Variants in MAST3 observed in about 807,000 individuals in gnomAD.
MAST3 encodes microtubule-associated serine/threonine-protein kinase 3.
Under a neutral mutation model 127.0 loss-of-function variants are expected in MAST3, and 43 were observed. That is an observed-to-expected ratio of 0.34 (90% CI 0.27 to 0.44). The LOEUF (loss-of-function observed/expected upper bound fraction) is 0.44, where lower values mean the gene tolerates loss of function less well. Among genes scored for constraint, MAST3 ranks in the 20% least tolerant of loss-of-function variants. The pLI, the probability that MAST3 is intolerant of heterozygous loss-of-function variation, is 1.00. For synonymous variants in MAST3, 785 were observed against 809.2 expected (o/e 0.97, Z 0.51); for missense variants, 1,390 against 1,919.1 (o/e 0.72, Z 5.15).
At chr19:18,135,070 G>A in intron 17 of MAST3, 88 bp downstream of exon 17, 12 of 1,465,082 alleles carry the variant, frequency 8.2e-6, no homozygotes, top group Non-Finnish European at 1.1e-5. Flanking sequence ...AGGGAGAGAA[G>A]CAGGAAGAGG....
intron 3 of MAST3, among the ~76,000 whole-genome samples, chr19:18,113,423 A>G (rs2038874604): frequency 6.6e-6 from 1 of 151,920 alleles, no homozygotes; most frequent in African/African-American, 2.4e-5. Context: ...AGCTGGGATT[A>G]CAGGCATGCA....
Position 18,149,931 on chromosome 19 carries a change from G to A in MAST3, c.*205G>A. On this transcript the variant is annotated 3_prime_UTR_variant, in exon 28 of 28. Coordinates refer to ENST00000687212, the MANE Select transcript of MAST3 (RefSeq NM_001393504.1). The surrounding 1 kb of genome is among the most constrained non-coding windows in gnomAD (Gnocchi z 5.9). ...GGATGGGGCAAGAATGGGGGACAAGGGTGGCTTTGTAAATAGCAGCAAATC... is the reference window on the plus strand; with the variant it reads ...GGATGGGGCAAGAATGGGGGACAAGAGTGGCTTTGTAAATAGCAGCAAATC... 1.7e-6 allele frequency: 1 copy of A among 579,110 alleles called. No individual in the cohort carries two copies. 35.9% of individuals were successfully genotyped at this position (579,110 alleles called of 1,614,324 possible).
chr19:18,106,592 A>C (rs2038084340), intron 1 of MAST3, among the ~76,000 whole-genome samples: 1 of 143,960 alleles, frequency 6.9e-6, no homozygotes, highest in African/African-American at 2.5e-5. Flanking sequence ...TATTTTTGAG[A>C]TGGAGTTTCG....
At chr19:18,122,403 A>G (rs1204779710) in intron 5 of MAST3, among the ~76,000 whole-genome samples, 6 of 151,486 alleles carry the variant, frequency 4.0e-5, no homozygotes, top group Admixed American at 3.3e-4. Flanking sequence ...GGGGGTGGTC[A>G]ATGTGTGCCC....
At chr19:18,128,481 C>A in intron 12 of MAST3, 23 bp downstream of exon 12, 1 of 1,550,316 alleles carries the variant, frequency 6.5e-7, no homozygotes, top group Non-Finnish European at 8.7e-7. Flanking sequence ...GGCTGGGGGA[C>A]CCCCGCTCAT....
chr19:18,104,647 C>A (rs1195215357), intron 1 of MAST3, among the ~76,000 whole-genome samples: 1 of 152,096 alleles, frequency 6.6e-6, no homozygotes, highest in African/African-American at 2.4e-5. Context: ...AACGTGGCCG[C>A]CCTGATGTGT....
At chr19:18,125,777 T>A (rs1377757866) in intron 11 of MAST3, among the ~76,000 whole-genome samples, 1 of 149,850 alleles carries the variant, frequency 6.7e-6, no homozygotes. Flanking sequence ...GCCAGCCAGG[T>A]GCAGTGGCTC....
At chr19:18,118,071 C>T (rs1034134066) in intron 3 of MAST3, 1 of 984,694 alleles carries the variant, frequency 1.0e-6, no homozygotes, top group South Asian at 4.7e-5. Flanking sequence ...GCGCCCCCCT[C>T]CCTGTCCGGC....
At chr19:18,129,785 C>T (rs908495464) in intron 13 of MAST3, among the ~76,000 whole-genome samples, 24 of 151,382 alleles carry the variant, frequency 1.6e-4, no homozygotes, top group African/African-American at 5.6e-4. Context: ...ATTAACTGGG[C>T]GTAATGGCAC....
rs868161497 is a variant in MAST3 at position 18,130,526 on chromosome 19, G to A, written c.1256G>A (p.Arg419Gln). The A allele has an allele frequency of 6.8e-6, 11 of 1,609,054 alleles. No individual in the cohort carries two copies. Among genetic ancestry groups the A allele is most frequent in the Middle Eastern group, 1.6e-4 (1 of 6,080 alleles). The change falls in exon 14 of 28, where the codon CGG (arginine) becomes CAG (glutamine). Residue 419 changes from arginine to glutamine, a missense_variant. Physicochemically the swap from Arg to Gln is conservative, Grantham distance 43 (BLOSUM62 1). Transcript: ENST00000687212. The stretch of plus-strand genomic sequence containing the variant: ...TACCTGGTGCGGCACCGTGACACAC[G>A]GCAGCGCTTTGCCATCAAGAAGATC... ...AVYLVRHRDT[R>Q]QRFAIKKINK... is the part of the protein sequence containing the mutation.
intron 1 of MAST3, 88 bp downstream of exon 1, chr19:18,097,919 C>G: frequency 9.4e-7 from 1 of 1,065,022 alleles, no homozygotes; most frequent in Non-Finnish European, 1.2e-6. Context: ...GGGGCCTTCA[C>G]GGGCTGTAGG....
intron 17 of MAST3, 117 bp downstream of exon 17, chr19:18,135,099 G>A: frequency 1.6e-6 from 2 of 1,270,006 alleles, no homozygotes; most frequent in South Asian, 1.4e-5. Context: ...TTGGATGCCA[G>A]GTGGGGAGGC....
intron 1 of MAST3, among the ~76,000 whole-genome samples, chr19:18,105,131 C>A (rs537477254): frequency 1.4e-4 from 21 of 152,140 alleles, no homozygotes; most frequent in Non-Finnish European, 2.5e-4. Flanking sequence ...CTTTGGGAGG[C>A]TAAGGTGGAT....
In MAST3 at chr19:18,124,345, A is replaced by C; in HGVS notation, c.924A>C (p.Pro308=). 1 of 1,606,604 alleles carries C rather than the reference A, an allele frequency of 6.2e-7. No individual in the cohort carries two copies. ...AACTGCTGATCATCATCTCACGGCC[A>C]GCTCGGCTGCTGGAGTGTCTGGTAA... is the stretch of plus-strand genomic sequence containing the variant. ...VRKLLIIISR[P]ARLLECLEFD... Residue 308 remains proline (P), a synonymous_variant, in exon 10 of 28, where the codon CCA becomes CCC. Coordinates refer to ENST00000687212, the MANE Select transcript of MAST3 (RefSeq NM_001393504.1).
chr19:18,143,978 C>A lies in MAST3; in HGVS notation c.2555C>A (p.Pro852Gln). 1 of 1,584,292 alleles carries A rather than the reference C, an allele frequency of 6.3e-7. No homozygotes were observed. Among genetic ancestry groups the A allele is most frequent in the Non-Finnish European group, 8.6e-7 (1 of 1,165,260 alleles). Residue 852 changes from proline (P) to glutamine (Q), a missense_variant, in exon 22 of 28, where the codon CCA becomes CAA. Physicochemically the swap from Pro to Gln is moderately conservative, Grantham distance 76. Around this residue, in one of 5 missense-constraint regions of MAST3, gnomAD observed 816 missense variants for 934.1 expected, o/e 0.87. Coordinates refer to ENST00000687212, the MANE Select transcript of MAST3 (RefSeq NM_001393504.1). ...CCTGACCCCCCACCAGCGGCCACCC[C>A]AGTGATGCCCAAGCCCTCGAGCCTT... ...GEPDPPPAATPVMPKPSSLSA... is the reference protein window; with the variant it reads ...GEPDPPPAATQVMPKPSSLSA...
In MAST3 at chr19:18,134,636, C is replaced by T. The variant is rs763930399; in HGVS notation, c.1629C>T (p.Ile543=). The change falls in exon 16 of 28, where the codon ATC becomes ATT. Residue 543 remains isoleucine, a synonymous_variant. Coordinates refer to ENST00000687212, the MANE Select transcript of MAST3 (RefSeq NM_001393504.1). ...IKLTDFGLSK[I]GLMSMATNLY... is the part of the protein sequence containing the mutation. ...TCACGGACTTCGGCCTGTCCAAGAT[C>T]GGCCTCATGAGCATGGCCACCAACC... is the stretch of plus-strand genomic sequence containing the variant. The T allele has an allele frequency of 3.2e-5, 52 of 1,613,232 alleles. No individual in the cohort carries two copies. The highest frequency in any genetic ancestry group is 3.6e-5 in the Non-Finnish European group (42 of 1,179,664).
At chr19:18,143,119 A>C (rs868640807) in intron 21 of MAST3, among the ~76,000 whole-genome samples, 2 of 151,794 alleles carry the variant, frequency 1.3e-5, no homozygotes, top group Non-Finnish European at 2.9e-5. Context: ...CTCAAAAAAA[A>C]AAAACAAAAC....
chr19:18,128,891 G>C lies in MAST3; in HGVS notation c.1163G>C (p.Arg388Pro). 1 of 1,613,836 alleles carries C rather than the reference G, an allele frequency of 6.2e-7. No individual in the cohort carries two copies. The highest frequency in any genetic ancestry group is 8.5e-7 in the Non-Finnish European group (1 of 1,179,896). Residue 388 changes from arginine (R) to proline (P), a missense_variant, in exon 13 of 28, where the codon CGG becomes CCG. Transcript: ENST00000687212. ...PESRALVGQS[R>P]RKPCESDFET... Reference sequence around the variant, plus strand: ...AGCCGCGCCCTGGTCGGCCAGTCACGGAGGAAGCCATGCGAAAGCGACTTT... The same window carrying C: ...AGCCGCGCCCTGGTCGGCCAGTCACCGAGGAAGCCATGCGAAAGCGACTTT...
At chr19:18,098,889 C>T (rs1191801453) in intron 1 of MAST3, 1 of 441,826 alleles carries the variant, frequency 2.3e-6, no homozygotes, top group African/African-American at 2.0e-5. Context: ...GCGGTGACCC[C>T]ACGGAGTGAT....
Sources: gnomAD v4.1 joint callset for allele counts (sites outside exome capture counted in the v4.1 genomes callset) on GRCh38, gnomAD v4.1.1 for gene constraint, gnomAD v4.1.1 regional missense constraint, Gnocchi (gnomAD v3.1) non-coding constraint, MANE v1.5 for transcripts, NCBI Gene and HGNC (gene_info 2026-07-23, HGNC 2026-07-21) for gene names.